MLLT10: variants seen among roughly 807,000 people sequenced by gnomAD.
MLLT10 encodes the protein MLLT10 histone lysine methyltransferase DOT1L cofactor, also known as protein AF-10.
In MLLT10, 30 loss-of-function variants were observed where a neutral mutation model predicts 129.1. The ratio of observed to expected loss-of-function variants is 0.23; its 90% CI spans 0.17 to 0.32. MLLT10 has a LOEUF of 0.32. Ranked by LOEUF, MLLT10 falls within the 10% of genes least tolerant of loss-of-function variation. MLLT10 has a pLI of 1.00. For synonymous variants in MLLT10, 490 were observed against 446.4 expected (o/e 1.10, Z -1.23); for missense variants, 1,119 against 1,268.3 (o/e 0.88, Z 1.79).
In MLLT10 at chr10:21,727,919, T is replaced by A. The variant is rs1356261626; in HGVS notation, c.2054T>A (p.Leu685His). ...VGRGSSPRGS[L>H]SPRSPVSSLQ... is the part of the protein sequence containing the mutation. ...AGAGGAAGCTCACCCCGAGGAAGTC[T>A]CTCGCCACGGTAAGCGCTATTTACA... The change falls in exon 16 of 23, where the codon CTC becomes CAC. Residue 685 changes from leucine (L) to histidine (H), a missense_variant. Around this residue, in one of 5 missense-constraint regions of MLLT10, gnomAD observed 1,004 missense variants for 1,008.7 expected, o/e 1.00. Transcript: ENST00000307729. 6.2e-7 allele frequency: 1 copy of A among 1,613,836 alleles called. No individual in the cohort carries two copies. The highest frequency in any genetic ancestry group is 1.7e-5 in the Admixed American group (1 of 59,968).
intron 13 of MLLT10, among the ~76,000 whole-genome samples, chr10:21,697,906 A>G (rs999871031): frequency 6.6e-6 from 1 of 152,220 alleles, no homozygotes; most frequent in Middle Eastern, 3.2e-3. Flanking sequence ...TATTTTAAAG[A>G]TGCTTGCTTA....
At chr10:21,534,826 G>C (rs765552629) in intron 2 of MLLT10, 22 bp downstream of exon 2, 49 of 1,562,946 alleles carry the variant, frequency 3.1e-5, no homozygotes, top group Admixed American at 2.1e-4. Context: ...ACCGCCCGCC[G>C]GGGCGCGCCG....
intron 14 of MLLT10, among the ~76,000 whole-genome samples, chr10:21,717,933 C>T (rs1336206263): frequency 4.8e-5 from 7 of 145,858 alleles, no homozygotes; most frequent in South Asian, 2.1e-4. Context: ...TTCTTCTTCT[C>T]CTTCTTTTCT....
At chr10:21,693,713 T>C (rs1356540842) in intron 13 of MLLT10, among the ~76,000 whole-genome samples, 1 of 152,246 alleles carries the variant, frequency 6.6e-6, no homozygotes, top group Non-Finnish European at 1.5e-5. Flanking sequence ...ATCTTACCAT[T>C]CTCTCCATTC....
rs73592588 is a variant in MLLT10, at chr10:21,606,097, C to T, written c.406-6251C>T. ...ATATCTGTTATGGTTATGTATGATC[C>T]GTGACCTTTGACGTTACTGTGAGGT... On this transcript the variant is annotated intron_variant, in intron 5 of 22. Transcript: ENST00000307729. Among the ~76,000 whole-genome samples the T allele has an allele frequency of 1.6e-3, 244 of 152,134 alleles. 1 individual carries two copies. The highest frequency in any genetic ancestry group is 5.4e-3 in the African/African-American group (225 of 41,510).
At chr10:21,561,979 T>C (rs1395417363) in intron 3 of MLLT10, among the ~76,000 whole-genome samples, 2 of 152,104 alleles carry the variant, frequency 1.3e-5, no homozygotes, top group Non-Finnish European at 2.9e-5. Flanking sequence ...CTAATCTTTG[T>C]ATTTTTAGTA....
At chr10:21,540,262 G>A (rs1222016416) in intron 3 of MLLT10, among the ~76,000 whole-genome samples, 3 of 151,996 alleles carry the variant, frequency 2.0e-5, no homozygotes, top group South Asian at 2.1e-4. Flanking sequence ...GTGGCAGCGC[G>A]TGCCTATAGT....
At chr10:21,651,626 G>A (rs1589437450) in intron 8 of MLLT10, 47 bp from the exon 9 acceptor site, 1 of 1,315,998 alleles carries the variant, frequency 7.6e-7, no homozygotes, top group East Asian at 2.3e-5. Flanking sequence ...TGCATATATG[G>A]GGTTATAGTT....
chr10:21,560,916 G>A (rs2038722839), intron 3 of MLLT10, among the ~76,000 whole-genome samples: 1 of 151,792 alleles, frequency 6.6e-6, no homozygotes, highest in Admixed American at 6.6e-5. Context: ...TGCTCTTTTT[G>A]TGTGACTTTT....
intron 3 of MLLT10, among the ~76,000 whole-genome samples, chr10:21,565,657 T>C (rs2039457037): frequency 6.7e-6 from 1 of 150,318 alleles, no homozygotes. Flanking sequence ...CCAGGCTGCA[T>C]TGCAGTGGCA....
chr10:21,561,836 A>T (rs1173246916), intron 3 of MLLT10, among the ~76,000 whole-genome samples: 2 of 148,648 alleles, frequency 1.3e-5, no homozygotes, highest in African/African-American at 5.0e-5. Context: ...GTGGAGTTTC[A>T]CTCTTGTTGC....
At chr10:21,542,274 A>G (rs562624634) in intron 3 of MLLT10, among the ~76,000 whole-genome samples, 54 of 152,266 alleles carry the variant, frequency 3.5e-4, no homozygotes, top group Admixed American at 3.3e-3. Flanking sequence ...AGTTAACTTA[A>G]AAGGTGTATT....
At chr10:21,594,468 G>C (rs147231560) in intron 4 of MLLT10, among the ~76,000 whole-genome samples, 4,970 of 149,092 alleles carry the variant, frequency 0.033, 129 homozygotes, top group Admixed American at 0.073. Flanking sequence ...AAAGAGAATT[G>C]CTTGAACCCA....
chr10:21,551,872 G>A, intron 3 of MLLT10: 3 of 363,038 alleles, frequency 8.3e-6, no homozygotes, highest in South Asian at 2.0e-5. Flanking sequence ...TCAGCCCACT[G>A]CAACCTCTGC....
intron 13 of MLLT10, among the ~76,000 whole-genome samples, chr10:21,709,308 G>A (rs1292110424): frequency 6.6e-6 from 1 of 151,126 alleles, no homozygotes; most frequent in Non-Finnish European, 1.5e-5. Context: ...TGTGATCTTG[G>A]CTTATTGCAA....
At chr10:21,556,653 A>G in intron 3 of MLLT10, 2 of 1,610,438 alleles carry the variant, frequency 1.2e-6, no homozygotes, top group Non-Finnish European at 1.7e-6. Flanking sequence ...ATGGTATGCA[A>G]TTCCTGTTGG....
chr10:21,604,879 T>C (rs2043902222), intron 5 of MLLT10, among the ~76,000 whole-genome samples: 1 of 151,908 alleles, frequency 6.6e-6, no homozygotes, highest in African/African-American at 2.4e-5. Flanking sequence ...TTTTTTCTTA[T>C]GACTGCTTAG....
chr10:21,568,515 T>G (rs1207694768), intron 3 of MLLT10, among the ~76,000 whole-genome samples: 1 of 152,236 alleles, frequency 6.6e-6, no homozygotes, highest in African/African-American at 2.4e-5. Context: ...CTGATTTGTT[T>G]CTTTTCTAAT....
intron 8 of MLLT10, chr10:21,625,391 T>A (rs888637114): frequency 1.3e-6 from 1 of 797,880 alleles, no homozygotes; most frequent in Non-Finnish European, 2.2e-6. Context: ...AGAAAATGAC[T>A]TTTCCAATAT....
Sources: gnomAD v4.1 joint callset for allele counts (sites outside exome capture counted in the v4.1 genomes callset) on GRCh38, gnomAD v4.1.1 for gene constraint, gnomAD v4.1.1 regional missense constraint, MANE v1.5 for transcripts, NCBI Gene and HGNC (gene_info 2026-07-23, HGNC 2026-07-21) for gene names.